BRWD1: variants seen among roughly 807,000 people sequenced by gnomAD.
BRWD1 encodes bromodomain and WD repeat domain containing 1.
In BRWD1, 82 loss-of-function variants were observed where a neutral mutation model predicts 251.2. The observed-to-expected ratio is 0.33, with a 90% confidence interval of 0.27 to 0.39. BRWD1 has a LOEUF of 0.39. BRWD1 is among the 10% of genes least tolerant of loss of function. The pLI, the probability that BRWD1 is intolerant of heterozygous loss-of-function variation, is 1.00. For missense variants in BRWD1, 2,233 were observed against 2,711.6 expected (o/e 0.82, Z 3.92); for synonymous variants, 918 against 902.8 (o/e 1.02, Z -0.30).
chr21:39,248,148 A>G (rs2034261246), intron 20 of BRWD1, among the ~76,000 whole-genome samples: 1 of 152,206 alleles, frequency 6.6e-6, no homozygotes, highest in Non-Finnish European at 1.5e-5. Flanking sequence ...CATCTCAGAA[A>G]TGAAAAATAC....
chr21:39,270,107 T>TA, intron 14 of BRWD1, 74 bp from the exon 15 acceptor site: 2 of 1,313,098 alleles, frequency 1.5e-6, no homozygotes, highest in Non-Finnish European at 2.0e-6. Flanking sequence ...TACATACTGT[T>TA]ACAGCATATA....
chr21:39,243,387 G>A (rs115134969), intron 21 of BRWD1, among the ~76,000 whole-genome samples: 2,317 of 152,226 alleles, frequency 0.015, 58 homozygotes, highest in African/African-American at 0.053. Flanking sequence ...ACCATTGACT[G>A]GTAAAATTTG....
chr21:39,223,870 G>A (rs1000325085), intron 29 of BRWD1, among the ~76,000 whole-genome samples: 4 of 152,160 alleles, frequency 2.6e-5, no homozygotes, highest in Admixed American at 2.6e-4. Context: ...GTTTTTCTGA[G>A]ATGGAGTCTC....
At chr21:39,233,012 T>C (rs2033677048) in intron 23 of BRWD1, among the ~76,000 whole-genome samples, 1 of 152,124 alleles carries the variant, frequency 6.6e-6, no homozygotes. Flanking sequence ...ATAAAGCCGA[T>C]GAGACTATGT....
At chr21:39,266,784 T>A (rs2034935626) in intron 15 of BRWD1, among the ~76,000 whole-genome samples, 1 of 152,220 alleles carries the variant, frequency 6.6e-6, no homozygotes, top group African/African-American at 2.4e-5. Context: ...CAACCCTATT[T>A]AGTCTATCTA....
chr21:39,274,572 T>TGTTGTTAGGACAGCTTC, intron 12 of BRWD1, 100 bp from the exon 13 acceptor site: 1 of 938,646 alleles, frequency 1.1e-6, no homozygotes, highest in Non-Finnish European at 1.7e-6. Context: ...GAAGCTGTCC[T>TGTTGTTAGGACAGCTTC]AACAACAGGA....
intron 4 of BRWD1, among the ~76,000 whole-genome samples, chr21:39,303,142 A>C (rs2036173493): frequency 6.6e-6 from 1 of 152,196 alleles, no homozygotes; most frequent in African/African-American, 2.4e-5. Context: ...AAAGGAACTA[A>C]TGTAAAGTAA....
chr21:39,207,327 C>T (rs1007797254), intron 36 of BRWD1, among the ~76,000 whole-genome samples: 8 of 151,470 alleles, frequency 5.3e-5, no homozygotes, highest in Admixed American at 2.6e-4. Flanking sequence ...CCCAGCTACC[C>T]GGGAGGCTGA....
At position 39,193,365 on chromosome 21, in the gene BRWD1, T is replaced by C. The variant is rs2031651758; in HGVS notation, c.*2894A>G. ...GAATTATTTGAATATGGGATAAACTTTTCCTTTTATTCATAAGTTACTTCA... is the reference window on the plus strand; with the variant it reads ...GAATTATTTGAATATGGGATAAACTCTTCCTTTTATTCATAAGTTACTTCA... On this transcript the variant is annotated 3_prime_UTR_variant, in exon 41 of 41. Coordinates refer to ENST00000342449, the MANE Select transcript of BRWD1 (RefSeq NM_033656.4). 1.0e-6 allele frequency: 1 copy of C among 984,818 alleles called. No individual in the cohort carries two copies. Among genetic ancestry groups the C allele is most frequent in the Non-Finnish European group, 1.2e-6 (1 of 829,396 alleles). The allele number at this position is 984,818 out of a possible 1,614,324, so 61.0% of individuals were successfully genotyped here. A position where few individuals can be genotyped will look rare whatever the true frequency, so the allele number is the denominator to read the frequency against.
intron 38 of BRWD1, among the ~76,000 whole-genome samples, chr21:39,201,365 C>T (rs1315098817): frequency 6.6e-6 from 1 of 152,194 alleles, no homozygotes; most frequent in African/African-American, 2.4e-5. Flanking sequence ...CACTGCCAAA[C>T]TTAATCTTCC....
At chr21:39,315,235 C>T (rs1379858889), upstream of BRWD1, among the ~76,000 whole-genome samples, 2 of 152,006 alleles carry the variant, frequency 1.3e-5, no homozygotes, top group Non-Finnish European at 2.9e-5. Flanking sequence ...AACTCCTGGC[C>T]TCAGGTGATC....
chr21:39,304,620 A>AG (rs1360793447), intron 4 of BRWD1, among the ~76,000 whole-genome samples: 2 of 1,542 alleles, frequency 1.3e-3, no homozygotes, highest in African/African-American at 0.016. Flanking sequence ...TCTGGAAAAC[A>AG]AAAAAAAAAT....
intron 37 of BRWD1, among the ~76,000 whole-genome samples, chr21:39,203,335 G>A (rs147699602): frequency 2.4e-4 from 37 of 151,674 alleles, no homozygotes; most frequent in African/African-American, 7.0e-4. Flanking sequence ...ATCTATGATC[G>A]CAGCTACTCA....
At chr21:39,261,362 G>A (rs954354757) in intron 17 of BRWD1, among the ~76,000 whole-genome samples, 18 of 152,144 alleles carry the variant, frequency 1.2e-4, no homozygotes, top group African/African-American at 4.1e-4. Flanking sequence ...AAGTTCGCAG[G>A]AGCCAGAATA....
chr21:39,222,534 A>G (rs2033218765), intron 29 of BRWD1, among the ~76,000 whole-genome samples: 2 of 152,230 alleles, frequency 1.3e-5, no homozygotes, highest in African/African-American at 4.8e-5. Flanking sequence ...ATAGGAGCCA[A>G]CATGAAGGGG....
At chr21:39,230,172 G>T (rs1250407281) in intron 25 of BRWD1, among the ~76,000 whole-genome samples, 1 of 152,144 alleles carries the variant, frequency 6.6e-6, no homozygotes, top group African/African-American at 2.4e-5. Context: ...TATTTGTTGA[G>T]AATCTACCAT....
rs987458260 is a variant in BRWD1 at position 39,198,926 on chromosome 21, T to G, written c.5490A>C (p.Gln1830His). 1.2e-6 allele frequency: 2 copies of G among 1,614,046 alleles called. No individual in the cohort carries two copies. Among genetic ancestry groups the G allele is most frequent in the Non-Finnish European group, 1.7e-6 (2 of 1,180,026 alleles). Residue 1830 changes from glutamine (Q) to histidine (H), a missense_variant, in exon 40 of 41, where the codon CAA becomes CAC. Transcript: ENST00000342449. ...SDSEDSESEE[Q>H]DREDGKCHKM... ...TATGACATTTCCCATCTTCTCTATC[T>G]TGCTCTTCAGATTCAGAGTCTTCTG...
At chr21:39,303,465 G>T (rs1029237038) in intron 4 of BRWD1, among the ~76,000 whole-genome samples, 1 of 137,500 alleles carries the variant, frequency 7.3e-6, no homozygotes, top group Non-Finnish European at 1.5e-5. Flanking sequence ...GTTGCAGTAA[G>T]CCAAGATCAC....
rs1181071907 is a variant in BRWD1 at position 39,224,488 on chromosome 21, T to C, written c.3321-19A>G. 3.8e-6 allele frequency: 6 copies of C among 1,571,374 alleles called. No individual in the cohort carries two copies. Among genetic ancestry groups the C allele is most frequent in the Non-Finnish European group, 5.2e-6 (6 of 1,153,680 alleles). ...ATCCCACCTGTTAAAAAACAACAAA[T>C]CTCTGGTTAGCCTTTCATAAAAACA... is the stretch of plus-strand genomic sequence containing the variant. On this transcript the variant is annotated intron_variant, in intron 28 of 40. Coordinates refer to ENST00000342449, the MANE Select transcript of BRWD1 (RefSeq NM_033656.4).
Sources: gnomAD v4.1 joint callset for allele counts (sites outside exome capture counted in the v4.1 genomes callset) on GRCh38, gnomAD v4.1.1 for gene constraint, MANE v1.5 for transcripts, NCBI Gene and HGNC (gene_info 2026-07-23, HGNC 2026-07-21) for gene names.